Variants in DOCK5 observed in about 807,000 individuals in gnomAD.
DOCK5 encodes the protein dedicator of cytokinesis 5.
A neutral mutation model predicts 251.8 loss-of-function variants in DOCK5; 142 were observed. The ratio of observed to expected loss-of-function variants is 0.56; its 90% CI spans 0.49 to 0.65. The LOEUF (loss-of-function observed/expected upper bound fraction) is 0.65. Ranked by LOEUF, DOCK5 falls within the 30% of genes least tolerant of loss-of-function variation. The pLI is 0.00. For synonymous variants in DOCK5, 842 were observed against 835.5 expected (o/e 1.01, Z -0.13); for missense variants, 2,111 against 2,312.3 (o/e 0.91, Z 1.79).
In DOCK5 at chr8:25,268,863, C is replaced by T; in HGVS notation, c.146C>T (p.Thr49Ile). The T allele has an allele frequency of 6.4e-7, 1 of 1,563,276 alleles. No homozygotes were observed. Among genetic ancestry groups the T allele is most frequent in the Admixed American group, 2.1e-5 (1 of 47,930 alleles). ...EMYEGWYRGY[T>I]LQNKSKKGIF... ...CTGACAGGTTGGTACAGAGGATATACCCTCCAAAATAAATCTAAAAAGGTA... is the reference window on the plus strand; with the variant it reads ...CTGACAGGTTGGTACAGAGGATATATCCTCCAAAATAAATCTAAAAAGGTA... The change falls in exon 3 of 52, where the codon ACC becomes ATC. Residue 49 changes from threonine to isoleucine, a missense_variant. Thr to Ile is a moderately conservative substitution (Grantham distance 89). This residue lies in a region of DOCK5 where 335 missense variants were observed against 324.9 expected (regional missense o/e 1.03). Transcript: ENST00000276440.
Position 25,227,636 on chromosome 8 carries a change from G to A in DOCK5, c.44-16038G>A, listed in dbSNP as rs1028868339. Among the ~76,000 whole-genome samples, 7 of 151,908 alleles carry A rather than the reference G, an allele frequency of 4.6e-5. No homozygotes were observed. The South Asian group carries it at 6.2e-4, about 14-fold the overall frequency. ...TCAGATACTTTTTCCTTCTTATGAC[G>A]TTTTAAACCATTTGTTCAGTTATTT... On this transcript the variant is annotated intron_variant, in intron 1 of 51. Transcript: ENST00000276440.
chr8:25,399,789 G>C (rs1801405467), intron 45 of DOCK5, 122 bp from the exon 46 acceptor site: 1 of 686,426 alleles, frequency 1.5e-6, no homozygotes, highest in African/African-American at 1.8e-5. Flanking sequence ...TCTGAGGAAA[G>C]GGATGCATTT....
chr8:25,299,101 G>A lies in DOCK5; in HGVS notation c.764G>A (p.Ser255Asn). Residue 255 changes from serine to asparagine, a missense_variant and splice_region_variant, in exon 8 of 52, where the codon AGT becomes AAT. Ser to Asn is a conservative substitution (Grantham distance 46). Transcript: ENST00000276440. ...GACCCAGACCAGTCCACTTTTATCAGGTAGCAGAGACCCACATCCCCTGCT... is the reference window on the plus strand; with the variant it reads ...GACCCAGACCAGTCCACTTTTATCAAGTAGCAGAGACCCACATCCCCTGCT... ...LYDPDQSTFI[S>N]ENYLIRWGSN... is the part of the protein sequence containing the mutation. 1 of 1,613,030 alleles carries A rather than the reference G, an allele frequency of 6.2e-7. No individual in the cohort carries two copies. The highest frequency in any genetic ancestry group is 8.5e-7 in the Non-Finnish European group (1 of 1,179,494).
intron 2 of DOCK5, among the ~76,000 whole-genome samples, chr8:25,267,735 A>C (rs921279088): frequency 3.3e-5 from 5 of 152,226 alleles, no homozygotes; most frequent in African/African-American, 9.6e-5. Context: ...AAATTATTAC[A>C]GTGAACTTCC....
chr8:25,286,260 A>T (rs1207660896), intron 5 of DOCK5, among the ~76,000 whole-genome samples: 2 of 152,146 alleles, frequency 1.3e-5, no homozygotes, highest in African/African-American at 4.8e-5. Context: ...CACCGGGAAA[A>T]TTTGATTCAA....
chr8:25,376,396 G>T (rs1222738532), intron 37 of DOCK5: 3 of 982,986 alleles, frequency 3.1e-6, no homozygotes, highest in African/African-American at 1.8e-5. Context: ...TTCTTATTTT[G>T]GGGGGAGGGA....
chr8:25,246,752 GT>G (rs1586261893), intron 2 of DOCK5, among the ~76,000 whole-genome samples: 5 of 143,240 alleles, frequency 3.5e-5, no homozygotes, highest in South Asian at 2.2e-4. Flanking sequence ...GTGTGTGTGT[GT>G]GTGGCGGGGG....
At chr8:25,243,295 T>C (rs1297723222) in intron 1 of DOCK5, among the ~76,000 whole-genome samples, 2 of 151,972 alleles carry the variant, frequency 1.3e-5, no homozygotes, top group African/African-American at 4.8e-5. Context: ...AAATAGAGAG[T>C]TGTTTGTTGA....
intron 47 of DOCK5, 62 bp downstream of exon 47, chr8:25,401,128 G>A (rs1801432229): frequency 5.0e-6 from 8 of 1,587,624 alleles, no homozygotes; most frequent in Non-Finnish European, 6.9e-6. Context: ...TTATGACACT[G>A]ATTCGTTTTT....
At chr8:25,279,182 C>T (rs1804122107) in intron 5 of DOCK5, among the ~76,000 whole-genome samples, 1 of 152,162 alleles carries the variant, frequency 6.6e-6, no homozygotes, top group South Asian at 2.1e-4. Context: ...AAGTTGTGGT[C>T]TGAGAGTCAC....
intron 16 of DOCK5, among the ~76,000 whole-genome samples, chr8:25,321,361 G>A (rs992198026): frequency 2.6e-5 from 4 of 152,130 alleles, no homozygotes; most frequent in African/African-American, 9.7e-5. Context: ...AAGGACCAGG[G>A]GTGGGGTGAT....
chr8:25,318,939 G>T (rs1336599893), intron 14 of DOCK5, among the ~76,000 whole-genome samples: 1 of 152,150 alleles, frequency 6.6e-6, no homozygotes, highest in Non-Finnish European at 1.5e-5. Flanking sequence ...GTCGTATTCT[G>T]CATGAGAGGG....
At chr8:25,207,870 C>A (rs541349005) in intron 1 of DOCK5, among the ~76,000 whole-genome samples, 29 of 152,194 alleles carry the variant, frequency 1.9e-4, no homozygotes, top group African/African-American at 6.0e-4. Context: ...TGGTGGCTGC[C>A]ATAAATAGTG....
intron 34 of DOCK5, among the ~76,000 whole-genome samples, chr8:25,370,188 A>G (rs1800849321): frequency 6.6e-6 from 1 of 152,152 alleles, no homozygotes. Flanking sequence ...ACACTCACCT[A>G]TAACCCTCTT....
At chr8:25,351,553 A>C in intron 26 of DOCK5, 178 bp from the exon 27 acceptor site, 1 of 566,974 alleles carries the variant, frequency 1.8e-6, no homozygotes, top group Middle Eastern at 3.0e-4. Context: ...ATTTTCAACT[A>C]TTTTCTTCAT....
intron 29 of DOCK5, among the ~76,000 whole-genome samples, chr8:25,363,869 G>A (rs185215654): frequency 3.9e-5 from 6 of 152,294 alleles, no homozygotes; most frequent in Non-Finnish European, 2.9e-5. Context: ...CTTCTGAAGC[G>A]TCACCTCCAG....
intron 1 of DOCK5, among the ~76,000 whole-genome samples, chr8:25,214,505 A>G (rs568659875): frequency 2.6e-5 from 4 of 152,078 alleles, no homozygotes; most frequent in African/African-American, 4.8e-5. Flanking sequence ...CCCAATTTCA[A>G]TCTCCTATTT....
At position 25,353,563 on chromosome 8, in the gene DOCK5, A is replaced by G. The variant is rs182018787; in HGVS notation, c.2850+1737A>G. On this transcript the variant is annotated intron_variant, in intron 27 of 51. Coordinates refer to ENST00000276440, the MANE Select transcript of DOCK5 (RefSeq NM_024940.8). Reference sequence around the variant, plus strand: ...AGAACAGTCAGATTGTTGGCAAGGAAATACTATTTTTTTTTTTACCAACAG... The same window carrying G: ...AGAACAGTCAGATTGTTGGCAAGGAGATACTATTTTTTTTTTTACCAACAG... 2.4e-3 allele frequency among the ~76,000 whole-genome samples: 372 copies of G among 152,080 alleles called. 1 individual carries two copies. Among genetic ancestry groups the G allele is most frequent in the Non-Finnish European group, 3.6e-3 (245 of 68,022 alleles).
intron 2 of DOCK5, among the ~76,000 whole-genome samples, chr8:25,246,493 C>T (rs924745376): frequency 1.3e-5 from 2 of 152,174 alleles, no homozygotes; most frequent in East Asian, 1.9e-4. Context: ...AGGCTGGTCT[C>T]GTGGCCAACT....
Sources: allele counts gnomAD v4.1 joint callset (sites outside exome capture counted in the v4.1 genomes callset), GRCh38; gene constraint gnomAD v4.1.1; regional missense constraint gnomAD v4.1.1; transcripts MANE v1.5; gene names NCBI Gene and HGNC (gene_info 2026-07-23, HGNC 2026-07-21).